Variants in PTDSS2 observed in about 807,000 individuals in gnomAD.
PTDSS2 encodes the protein phosphatidylserine synthase 2, also known as PSS-2.
PTDSS2 carries 41 observed loss-of-function variants against 64.7 expected under a neutral mutation model. That is an observed-to-expected ratio of 0.63 (90% CI 0.49 to 0.82). The LOEUF is 0.82. Among genes scored for constraint, PTDSS2 ranks in the 40% least tolerant of loss-of-function variants. PTDSS2 has a pLI of 0.00. For missense variants in PTDSS2, 485 were observed against 650.0 expected (o/e 0.75, Z 2.76); for synonymous variants, 297 against 277.8 (o/e 1.07, Z -0.69).
intron 3 of PTDSS2, among the ~76,000 whole-genome samples, chr11:477,618 C>G (rs1362780499): frequency 6.6e-6 from 1 of 152,212 alleles, no homozygotes; most frequent in Non-Finnish European, 1.5e-5. Flanking sequence ...AAAGATTCGA[C>G]TTGGCAGTGC....
Position 489,616 on chromosome 11 carries a change from A to C in PTDSS2, c.998A>C (p.Tyr333Ser). 6.3e-7 allele frequency: 1 copy of C among 1,595,724 alleles called. No homozygotes were observed. The highest frequency in any genetic ancestry group is 8.5e-7 in the Non-Finnish European group (1 of 1,171,098). ...VFLLAELNTF[Y>S]LKFVLWMPPE... Reference sequence around the variant, plus strand: ...CTGTTGGCAGAACTGAACACGTTCTACCTGAAGTTTGTGCTGTGGATGCCC... The same window carrying C: ...CTGTTGGCAGAACTGAACACGTTCTCCCTGAAGTTTGTGCTGTGGATGCCC... The change falls in exon 10 of 12, where the codon TAC becomes TCC. Residue 333 changes from tyrosine (Y) to serine (S), a missense_variant. Tyr to Ser is a moderately radical substitution (Grantham distance 144). This residue lies in a region of PTDSS2 where 219 missense variants were observed against 257.3 expected (regional missense o/e 0.85). Transcript: ENST00000308020.
chr11:490,798 ACGCG>A lies in PTDSS2; in HGVS notation c.*217_*220del. 1.7e-6 allele frequency: 1 copy of A among 578,066 alleles called. No individual in the cohort carries two copies. The highest frequency in any genetic ancestry group is 2.0e-5 in the African/African-American group (1 of 50,356). 35.8% of individuals were successfully genotyped at this position (578,066 alleles called of 1,614,324 possible). ...TGTGTACGTGTGTATGCGTGTGTGT[ACGCG>A]TGTGTACGCGCGTGTGTACACATGC... On this transcript the variant is annotated 3_prime_UTR_variant, in exon 12 of 12. Coordinates refer to ENST00000308020, the MANE Select transcript of PTDSS2 (RefSeq NM_030783.3).
At chr11:472,641 C>G (rs1847524394) in intron 2 of PTDSS2, among the ~76,000 whole-genome samples, 1 of 152,210 alleles carries the variant, frequency 6.6e-6, no homozygotes, top group African/African-American at 2.4e-5. Context: ...ATCCTGCAAG[C>G]CTCGGGCGGT....
In PTDSS2 at chr11:490,743, C is replaced by G; in HGVS notation, c.*161C>G. The stretch of plus-strand genomic sequence containing the variant: ...CTGAAGGCGAGGGGTGGAGGAGGCC[C>G]CAGCACAGCCTCATCTCCATGTGTA... On this transcript the variant is annotated 3_prime_UTR_variant, in exon 12 of 12. Coordinates refer to ENST00000308020, the MANE Select transcript of PTDSS2 (RefSeq NM_030783.3). The G allele has an allele frequency of 1.5e-6, 1 of 672,788 alleles. No homozygotes were observed. The highest frequency in any genetic ancestry group is 2.7e-5 in the East Asian group (1 of 36,774). The allele number at this position is 672,788 out of a possible 1,614,324, so 41.7% of individuals were successfully genotyped here.
intron 4 of PTDSS2, among the ~76,000 whole-genome samples, chr11:486,173 A>ATTTT (rs1848369094): frequency 6.6e-6 from 1 of 152,152 alleles, no homozygotes; most frequent in African/African-American, 2.4e-5. Context: ...CAGGCCCAAA[A>ATTTT]GCCTGCCTTG....
intron 4 of PTDSS2, among the ~76,000 whole-genome samples, chr11:486,369 C>T (rs933657081): frequency 6.6e-6 from 1 of 152,192 alleles, no homozygotes; most frequent in African/African-American, 2.4e-5. Flanking sequence ...GGTCCTAGAC[C>T]CCCATGTCCT....
In PTDSS2 at chr11:489,700, C is replaced by T; in HGVS notation, c.1082C>T (p.Ala361Val). Residue 361 changes from alanine to valine, a missense_variant, in exon 10 of 12, where the codon GCC becomes GTC. Physicochemically the swap from Ala to Val is moderately conservative, Grantham distance 64. Transcript: ENST00000308020. The stretch of plus-strand genomic sequence containing the variant: ...TTCTTCGTGAACGTGGGTGGCGTGG[C>T]CATGCGTGAGATCTACGACTTCATG... Reference protein sequence around the residue: ...LVFFVNVGGVAMREIYDFMDD... With the variant: ...LVFFVNVGGVVMREIYDFMDD... 6.2e-7 allele frequency: 1 copy of T among 1,605,820 alleles called. No homozygotes were observed.
Position 488,535 on chromosome 11 carries a change from A to G in PTDSS2, c.742A>G (p.Met248Val), listed in dbSNP as rs777598687. 62 of 1,613,226 alleles carry G rather than the reference A, an allele frequency of 3.8e-5. No homozygotes were observed. Among genetic ancestry groups the G allele is most frequent in the Admixed American group, 3.7e-4 (22 of 60,022 alleles). The change falls in exon 8 of 12, where the codon ATG becomes GTG. Residue 248 changes from methionine (M) to valine (V), a missense_variant. By Grantham distance (21) the Met-to-Val change is conservative. Around this residue, in one of 3 missense-constraint regions of PTDSS2, gnomAD observed 251 missense variants for 348.0 expected, o/e 0.72. Transcript: ENST00000308020. ...TGCTGGCCCCTCCCTGCAGTGGATC[A>G]TGGACGTGCTCGTCTGCAACGGGCT... is the stretch of plus-strand genomic sequence containing the variant. Reference protein sequence around the residue: ...FSECWWDHWIMDVLVCNGLGI... With the variant: ...FSECWWDHWIVDVLVCNGLGI...
In PTDSS2 at chr11:479,320, C is replaced by T. The variant is rs1442136344; in HGVS notation, c.435+168C>T. On this transcript the variant is annotated intron_variant, in intron 4 of 11. Coordinates refer to ENST00000308020, the MANE Select transcript of PTDSS2 (RefSeq NM_030783.3). The surrounding 1 kb of genome is among the most constrained non-coding windows in gnomAD (Gnocchi z 4.2). Reference sequence around the variant, plus strand: ...CGGGGGGTCTCCAGGAGCATCTGTGCGGCCCTTGAGTGATGGGGGGCAGCA... The same window carrying T: ...CGGGGGGTCTCCAGGAGCATCTGTGTGGCCCTTGAGTGATGGGGGGCAGCA... 11 of 698,074 alleles carry T rather than the reference C, an allele frequency of 1.6e-5. No homozygotes were observed. Among genetic ancestry groups the T allele is most frequent in the South Asian group, 9.7e-5 (6 of 61,548 alleles). 43.2% of individuals were successfully genotyped at this position (698,074 alleles called of 1,614,324 possible). A position where few individuals can be genotyped will look rare whatever the true frequency, so the allele number is the denominator to read the frequency against.
upstream of PTDSS2, chr11:450,167 G>GTCCGGC (rs1369237777): frequency 3.2e-6 from 1 of 314,694 alleles, no homozygotes; most frequent in Non-Finnish European, 5.8e-6. Flanking sequence ...CCGCAGGGCG[G>GTCCGGC]TCCGGCTCCG....
chr11:483,581 G>GT (rs201864384), intron 4 of PTDSS2, among the ~76,000 whole-genome samples: 2 of 152,210 alleles, frequency 1.3e-5, no homozygotes, highest in African/African-American at 4.8e-5. Flanking sequence ...TCATATGGGT[G>GT]TTTTTCCCCC....
intron 3 of PTDSS2, among the ~76,000 whole-genome samples, chr11:474,452 T>C (rs1590652362): frequency 8.4e-6 from 1 of 119,404 alleles, no homozygotes; most frequent in Non-Finnish European, 1.7e-5. Context: ...GGGCTCCAGA[T>C]GGGGCTGTGA....
intron 6 of PTDSS2, 98 bp from the exon 7 acceptor site, chr11:488,101 A>G (rs1461886074): frequency 1.2e-6 from 1 of 865,030 alleles, no homozygotes; most frequent in Admixed American, 2.0e-5. Context: ...CCGGCGTCCC[A>G]TACTCTGGCT....
At chr11:478,007 C>T (rs1276009666) in intron 3 of PTDSS2, among the ~76,000 whole-genome samples, 3 of 152,202 alleles carry the variant, frequency 2.0e-5, no homozygotes, top group Non-Finnish European at 4.4e-5. Flanking sequence ...CCCCTGAGTA[C>T]GTCGGGGCCT....
At chr11:486,111 G>A (rs1210137773) in intron 4 of PTDSS2, among the ~76,000 whole-genome samples, 4 of 152,216 alleles carry the variant, frequency 2.6e-5, no homozygotes, top group African/African-American at 2.4e-5. Flanking sequence ...GCCCTGGTGC[G>A]TGTGTGCTGT....
upstream of PTDSS2, among the ~76,000 whole-genome samples, chr11:449,308 T>G (rs970256784): frequency 4.6e-5 from 7 of 152,196 alleles, no homozygotes; most frequent in Non-Finnish European, 1.0e-4. Context: ...CCTCAAGTCA[T>G]CCGCCCGCCT....
chr11:450,566 CACCGG>C lies in PTDSS2; in HGVS notation c.112_116del (p.Thr38AlafsTer74). 1 of 1,243,256 alleles carries C rather than the reference CACCGG, an allele frequency of 8.0e-7. No homozygotes were observed. Among genetic ancestry groups the C allele is most frequent in the Non-Finnish European group, 1.0e-6 (1 of 986,192 alleles). 77.0% of individuals were successfully genotyped at this position (1,243,256 alleles called of 1,614,324 possible). ...CTGACGGGCCGTCTGCCGGCCAAGCCACCGGGCCGGGCGAGGGCCGCCGCAGCACC... is the reference window on the plus strand; with the variant it reads ...CTGACGGGCCGTCTGCCGGCCAAGCCGCCGGGCGAGGGCCGCCGCAGCACC... On this transcript the variant is annotated frameshift_variant, in exon 1 of 12. Coordinates refer to ENST00000308020, the MANE Select transcript of PTDSS2 (RefSeq NM_030783.3). LOFTEE classifies it high-confidence loss of function.
In PTDSS2 at chr11:490,957, CT is replaced by C. The variant is rs1848658387; in HGVS notation, c.*376del. ...GGAACCAGGGTCCTCCCTCCCCTTT[CT>C]GCCTGGTCAGCCCCGTGGCCTCTGG... is the stretch of plus-strand genomic sequence containing the variant. On this transcript the variant is annotated 3_prime_UTR_variant, in exon 12 of 12. Coordinates refer to ENST00000308020, the MANE Select transcript of PTDSS2 (RefSeq NM_030783.3). 9.8e-5 allele frequency: 24 copies of C among 245,386 alleles called. No homozygotes were observed. The South Asian group carries it at 1.6e-3, about 17-fold the overall frequency. 15.2% of individuals were successfully genotyped at this position (245,386 alleles called of 1,614,324 possible).
At chr11:484,462 GCACT>G (rs1042428896) in intron 4 of PTDSS2, among the ~76,000 whole-genome samples, 21 of 152,240 alleles carry the variant, frequency 1.4e-4, no homozygotes, top group African/African-American at 5.1e-4. Flanking sequence ...GGGCATGTGT[GCACT>G]CACTGTGTGT....
Sources: allele counts gnomAD v4.1 joint callset (sites outside exome capture counted in the v4.1 genomes callset), GRCh38; gene constraint gnomAD v4.1.1; regional missense constraint gnomAD v4.1.1; non-coding constraint Gnocchi (gnomAD v3.1); transcripts MANE v1.5; gene names NCBI Gene and HGNC (gene_info 2026-07-23, HGNC 2026-07-21).